WNK1: variants seen among roughly 807,000 people sequenced by gnomAD.
WNK1 encodes the protein serine/threonine-protein kinase WNK1.
A neutral mutation model predicts 222.8 loss-of-function variants in WNK1; 38 were observed. That is an observed-to-expected ratio of 0.17 (90% confidence interval 0.13 to 0.22). The LOEUF is 0.22. Among genes scored for constraint, WNK1 ranks in the 10% least tolerant of loss-of-function variants. WNK1 has a pLI of 1.00. For missense variants in WNK1, 2,348 were observed against 2,918.4 expected, an observed-to-expected ratio of 0.80 and a Z score of 4.50; for synonymous variants, 1,090 against 1,092.9, an observed-to-expected ratio of 1.00 and a Z score of 0.05.
chr12:890,840 A>G (rs1463557122), intron 22 of WNK1, among the ~76,000 whole-genome samples: 1 of 152,214 alleles, frequency 6.6e-6, no homozygotes, highest in African/African-American at 2.4e-5. Context: ...CACTGGATAT[A>G]TAGGGATAGA....
intron 8 of WNK1, chr12:868,766 T>A (rs1951896187): frequency 1.2e-6 from 2 of 1,614,056 alleles, no homozygotes; most frequent in African/African-American, 1.3e-5. Flanking sequence ...ATTACATGGC[T>A]ACTTGCAGCC....
chr12:906,969 G>C (rs990618949), intron 26 of WNK1, among the ~76,000 whole-genome samples: 2 of 141,128 alleles, frequency 1.4e-5, no homozygotes, highest in Non-Finnish European at 3.0e-5. Context: ...GCAGTGAGAC[G>C]TGATTGTGCC....
rs56024057 is a variant in WNK1 at position 797,723 on chromosome 12, A to T, written c.760-15919A>T. On this transcript the variant is annotated intron_variant, in intron 1 of 27. Coordinates refer to ENST00000315939, the MANE Select transcript of WNK1 (RefSeq NM_018979.4). ...CACTTTCGGAGGCCGAGGCAGGTGGATCACTGGAGGTCAAGAGTTCGAGAC... is the reference window on the plus strand; with the variant it reads ...CACTTTCGGAGGCCGAGGCAGGTGGTTCACTGGAGGTCAAGAGTTCGAGAC... Among the ~76,000 whole-genome samples, 929 of 152,186 alleles carry T rather than the reference A, an allele frequency of 6.1e-3. 13 individuals carry two copies. Among genetic ancestry groups the T allele is most frequent in the African/African-American group, 0.021 (885 of 41,492 alleles).
In WNK1 at chr12:896,410, C is replaced by G. The variant is rs1954735503; in HGVS notation, c.5923C>G (p.Pro1975Ala). 6.2e-7 allele frequency: 1 copy of G among 1,614,124 alleles called. No individual in the cohort carries two copies. The highest frequency in any genetic ancestry group is 1.3e-5 in the African/African-American group (1 of 75,012). Residue 1975 changes from proline to alanine, a missense_variant, in exon 24 of 28, where the codon CCA becomes GCA. Physicochemically the swap from Pro to Ala is conservative, Grantham distance 27 (BLOSUM62 -1). Around this residue, in one of 13 missense-constraint regions of WNK1, gnomAD observed 1,144 missense variants for 1,273.6 expected, o/e 0.90. Coordinates refer to ENST00000315939, the MANE Select transcript of WNK1 (RefSeq NM_018979.4). ...GATCACTGACACAAAGAAAGAAGGA[C>G]CAGTGGCATCTCCTCCTTTTATGGA... ...DKITDTKKEG[P>A]VASPPFMDLE...
In WNK1 at chr12:884,968, C is replaced by T. The variant is rs1204790036; in HGVS notation, c.4164C>T (p.Thr1388=). The change falls in exon 19 of 28, where the codon ACC becomes ACT. Residue 1388 remains threonine, a synonymous_variant. Coordinates refer to ENST00000315939, the MANE Select transcript of WNK1 (RefSeq NM_018979.4). The surrounding 1 kb of genome is among the most constrained non-coding windows in gnomAD (Gnocchi z 5.6). ...PTEEGIAGVA[T]STGVVTSGGL... is the part of the protein sequence containing the mutation. ...AAGAGGGGATTGCTGGAGTTGCCAC[C>T]AGCACAGGTGTGGTAACTTCAGGTG... 1 of 1,614,176 alleles carries T rather than the reference C, an allele frequency of 6.2e-7. No homozygotes were observed. The highest frequency in any genetic ancestry group is 2.2e-5 in the East Asian group (1 of 44,888).
At chr12:865,984 A>G (rs1951635952) in intron 8 of WNK1, among the ~76,000 whole-genome samples, 1 of 152,202 alleles carries the variant, frequency 6.6e-6, no homozygotes, top group African/African-American at 2.4e-5. Flanking sequence ...CATTAGATGC[A>G]TATATAGTAT....
chr12:844,569 T>A (rs1949881593), intron 4 of WNK1, among the ~76,000 whole-genome samples: 1 of 152,144 alleles, frequency 6.6e-6, no homozygotes, highest in South Asian at 2.1e-4. Context: ...TGGCATGCAT[T>A]TGTGCTTTAT....
At chr12:830,740 G>C (rs528447666) in intron 4 of WNK1, among the ~76,000 whole-genome samples, 2 of 152,136 alleles carry the variant, frequency 1.3e-5, no homozygotes, top group Non-Finnish European at 2.9e-5. Context: ...ATCACTACAT[G>C]CTTCATTATG....
At chr12:798,947 G>A (rs1418303763) in intron 1 of WNK1, among the ~76,000 whole-genome samples, 1 of 151,706 alleles carries the variant, frequency 6.6e-6, no homozygotes, top group Non-Finnish European at 1.5e-5. Context: ...TTTCTGTTTT[G>A]GGAAGTGTTC....
Position 868,411 on chromosome 12 carries a change from T to C in WNK1, c.2140-2854T>C. The stretch of plus-strand genomic sequence containing the variant: ...CAGTACAAGGGGGCCCTACTTCAAG[T>C]TCTGTCTTTGAATTTCCATCTGGAC... On this transcript the variant is annotated intron_variant, in intron 8 of 27. Coordinates refer to ENST00000315939, the MANE Select transcript of WNK1 (RefSeq NM_018979.4). 1 of 1,613,940 alleles carries C rather than the reference T, an allele frequency of 6.2e-7. No individual in the cohort carries two copies. The highest frequency in any genetic ancestry group is 8.5e-7 in the Non-Finnish European group (1 of 1,179,860).
In WNK1 at chr12:896,419, TCTC is replaced by T. The variant is rs754855058; in HGVS notation, c.5938_5940del (p.Pro1980del). 2 of 1,614,076 alleles carry T rather than the reference TCTC, an allele frequency of 1.2e-6. No individual in the cohort carries two copies. The highest frequency in any genetic ancestry group is 2.2e-5 in the South Asian group (2 of 91,066). On this transcript the variant is annotated inframe_deletion, in exon 24 of 28. Coordinates refer to ENST00000315939, the MANE Select transcript of WNK1 (RefSeq NM_018979.4). ...CACAAAGAAAGAAGGACCAGTGGCATCTCCTCCTTTTATGGATTTGGAACAAGC... is the reference window on the plus strand; with the variant it reads ...CACAAAGAAAGAAGGACCAGTGGCATCTCCTTTTATGGATTTGGAACAAGC...
chr12:763,058 T>C (rs1031299001), intron 1 of WNK1, among the ~76,000 whole-genome samples: 4 of 147,120 alleles, frequency 2.7e-5, no homozygotes, highest in African/African-American at 9.8e-5. Context: ...TATTTTTATC[T>C]TTTGGTTCTG....
chr12:881,737 G>A lies in WNK1; in HGVS notation c.3157G>A (p.Val1053Ile). The change falls in exon 13 of 28, where the codon GTA becomes ATA. Residue 1053 changes from valine to isoleucine, a missense_variant. This residue lies in a region of WNK1 where 547 missense variants were observed against 558.3 expected (regional missense o/e 0.98). Transcript: ENST00000315939. The part of the protein sequence containing the change: ...SQVAPAEPVA[V>I]AQTQATQPTT... ...GGTTGCTCCTGCAGAGCCAGTTGCA[G>A]TAGCACAGACCCAAGCTACCCAGCC... is the stretch of plus-strand genomic sequence containing the variant. 1.9e-6 allele frequency: 3 copies of A among 1,614,186 alleles called. No homozygotes were observed. The highest frequency in any genetic ancestry group is 2.2e-5 in the South Asian group (2 of 91,082).
chr12:903,737 A>G (rs1432478703), intron 26 of WNK1, among the ~76,000 whole-genome samples: 1 of 152,178 alleles, frequency 6.6e-6, no homozygotes, highest in Non-Finnish European at 1.5e-5. Flanking sequence ...CCTGGTAAAC[A>G]AATCCCAAGA....
At chr12:871,407 C>T in intron 9 of WNK1, 59 bp downstream of exon 9, 8 of 1,557,146 alleles carry the variant, frequency 5.1e-6, no homozygotes, top group Non-Finnish European at 7.1e-6. Flanking sequence ...ACTATTTTAA[C>T]TTTTGTGATT....
chr12:880,724 T>C lies in WNK1; in HGVS notation c.2836T>C (p.Phe946Leu), dbSNP rs1481141626. 5 of 1,613,722 alleles carry C rather than the reference T, an allele frequency of 3.1e-6. No homozygotes were observed. Among genetic ancestry groups the C allele is most frequent in the Non-Finnish European group, 4.2e-6 (5 of 1,179,962 alleles). Reference protein sequence around the residue: ...LSSGDVLYQGFPPRLPPQYPG... With the variant: ...LSSGDVLYQGLPPRLPPQYPG... The stretch of plus-strand genomic sequence containing the variant: ...ACCTTCCTCATTTCTGTCACAGGGC[T>C]TCCCACCTCGACTGCCACCACAGTA... Residue 946 changes from phenylalanine (F) to leucine (L), a missense_variant, in exon 12 of 28, where the codon TTC becomes CTC. Phe to Leu is a conservative substitution (Grantham distance 22). Coordinates refer to ENST00000315939, the MANE Select transcript of WNK1 (RefSeq NM_018979.4).
chr12:865,378 A>G lies in WNK1; in HGVS notation c.2139+3108A>G, dbSNP rs533294760. ...TTTGTCAGTACTGTATGTAACTGTA[A>G]ACTTCTGACAAATGAACAATTATTA... is the stretch of plus-strand genomic sequence containing the variant. On this transcript the variant is annotated intron_variant, in intron 8 of 27. Transcript: ENST00000315939. 5.2e-6 allele frequency: 8 copies of G among 1,527,606 alleles called. No individual in the cohort carries two copies. The African/African-American group carries it at 1.1e-4, about 21-fold the overall frequency. 94.6% of individuals were successfully genotyped at this position (1,527,606 alleles called of 1,614,324 possible).
chr12:805,933 A>T (rs910293529), intron 1 of WNK1, among the ~76,000 whole-genome samples: 45 of 152,290 alleles, frequency 3.0e-4, no homozygotes, highest in Admixed American at 8.5e-4. Flanking sequence ...AGAAAAAAAA[A>T]TTCTTTTCGC....
chr12:806,032 A>G (rs1946340895), intron 1 of WNK1, among the ~76,000 whole-genome samples: 1 of 152,220 alleles, frequency 6.6e-6, no homozygotes, highest in South Asian at 2.1e-4. Flanking sequence ...CCTGTGAAAC[A>G]TATTCAGGAA....
Sources: gnomAD v4.1 joint callset for allele counts (sites outside exome capture counted in the v4.1 genomes callset) on GRCh38, gnomAD v4.1.1 for gene constraint, gnomAD v4.1.1 regional missense constraint, Gnocchi (gnomAD v3.1) non-coding constraint, MANE v1.5 for transcripts, NCBI Gene and HGNC (gene_info 2026-07-23, HGNC 2026-07-21) for gene names.